SPATA13: variants seen among roughly 807,000 people sequenced by gnomAD.
SPATA13 encodes spermatogenesis-associated protein 13.
In SPATA13, 50 loss-of-function variants were observed where a neutral mutation model predicts 104.0. That is an observed-to-expected ratio of 0.48 (90% confidence interval 0.38 to 0.61). The LOEUF (loss-of-function observed/expected upper bound fraction) is 0.61. SPATA13 is among the 20% of genes least tolerant of loss of function. The pLI, the probability that SPATA13 is intolerant of heterozygous loss-of-function variation, is 0.00. For missense variants in SPATA13, 1,524 were observed against 1,690.6 expected, an observed-to-expected ratio of 0.90 and a Z score of 1.73; for synonymous variants, 606 against 667.5, an observed-to-expected ratio of 0.91 and a Z score of 1.42.
intron 3 of SPATA13, among the ~76,000 whole-genome samples, chr13:24,134,221 A>T (rs1238945306): frequency 6.6e-6 from 1 of 152,174 alleles, no homozygotes; most frequent in Non-Finnish European, 1.5e-5. Flanking sequence ...CGCTGCCTTT[A>T]TGCAGGGAGT....
chr13:24,052,903 G>T (rs1878410782), intron 3 of SPATA13, among the ~76,000 whole-genome samples: 1 of 83,534 alleles, frequency 1.2e-5, no homozygotes, highest in South Asian at 4.6e-4. Flanking sequence ...GTGGAAAATT[G>T]TTTCACTTAG....
chr13:24,166,278 T>A (rs372136276), intron 1 of SPATA13, among the ~76,000 whole-genome samples: 1 of 152,262 alleles, frequency 6.6e-6, no homozygotes, highest in East Asian at 1.9e-4. Flanking sequence ...GAGGCCCATA[T>A]GTAAAAGCAA....
At chr13:24,302,533 T>G (rs1341181118) in intron 12 of SPATA13, 65 bp from the exon 13 acceptor site, 14 of 1,287,074 alleles carry the variant, frequency 1.1e-5, no homozygotes, top group Non-Finnish European at 1.5e-5. Flanking sequence ...CATTTTTATT[T>G]TTTTCCTTTC....
At chr13:24,268,658 C>T (rs1874404244) in intron 4 of SPATA13, among the ~76,000 whole-genome samples, 1 of 152,170 alleles carries the variant, frequency 6.6e-6, no homozygotes, top group Non-Finnish European at 1.5e-5. Context: ...ACTCGGGAGG[C>T]TGAGGCAGGA....
At chr13:24,206,332 T>G (rs1171017898) in intron 1 of SPATA13, among the ~76,000 whole-genome samples, 1 of 152,154 alleles carries the variant, frequency 6.6e-6, no homozygotes, top group East Asian at 1.9e-4. Flanking sequence ...CACTGATCAT[T>G]AGAGAAATGC....
intron 3 of SPATA13, among the ~76,000 whole-genome samples, chr13:24,081,165 C>T (rs1172256857): frequency 6.6e-6 from 1 of 152,122 alleles, no homozygotes; most frequent in Non-Finnish European, 1.5e-5. Context: ...TTGCTGTTGG[C>T]CTAATTGATG....
At chr13:24,242,635 T>C (rs1872912538) in intron 2 of SPATA13, among the ~76,000 whole-genome samples, 1 of 152,184 alleles carries the variant, frequency 6.6e-6, no homozygotes, top group Admixed American at 6.5e-5. Context: ...ATAATTATAG[T>C]TAGATGGGAA....
intron 1 of SPATA13, among the ~76,000 whole-genome samples, chr13:24,221,648 A>G (rs545290832): frequency 6.6e-6 from 1 of 152,188 alleles, no homozygotes; most frequent in African/African-American, 2.4e-5. Flanking sequence ...GAAAGTATGT[A>G]TACAGGTGTG....
At chr13:24,151,375 G>A (rs2138471029) in intron 3 of SPATA13, among the ~76,000 whole-genome samples, 1 of 152,254 alleles carries the variant, frequency 6.6e-6, no homozygotes, top group African/African-American at 2.4e-5. Flanking sequence ...TGAAAATAAT[G>A]ATAAACTCTC....
chr13:24,087,211 A>C (rs1168388917), intron 3 of SPATA13, among the ~76,000 whole-genome samples: 1 of 152,078 alleles, frequency 6.6e-6, no homozygotes, highest in Admixed American at 6.5e-5. Flanking sequence ...GTCTGGAGTG[A>C]AGAGAGGGGC....
At chr13:24,095,300 A>G (rs1880036191) in intron 3 of SPATA13, among the ~76,000 whole-genome samples, 1 of 152,270 alleles carries the variant, frequency 6.6e-6, no homozygotes. Context: ...CACTAAGTGA[A>G]ATAAGCCAGT....
At chr13:24,027,380 G>A (rs1423528986) in intron 3 of SPATA13, among the ~76,000 whole-genome samples, 2 of 151,812 alleles carry the variant, frequency 1.3e-5, no homozygotes, top group African/African-American at 4.8e-5. Context: ...TGATCCACCC[G>A]CCTCGGCCTC....
At chr13:24,270,143 C>A (rs1367916996) in intron 4 of SPATA13, among the ~76,000 whole-genome samples, 1 of 152,088 alleles carries the variant, frequency 6.6e-6, no homozygotes, top group Admixed American at 6.5e-5. Flanking sequence ...GAAGCTCACT[C>A]TTTGTTAACA....
At chr13:24,111,309 C>G (rs541137616) in intron 3 of SPATA13, among the ~76,000 whole-genome samples, 1 of 152,220 alleles carries the variant, frequency 6.6e-6, no homozygotes, top group African/African-American at 2.4e-5. Flanking sequence ...TTGCTAGTAC[C>G]TTAATTCAGA....
At chr13:23,996,871 TC>T (rs1319227175) in intron 2 of SPATA13, among the ~76,000 whole-genome samples, 1 of 152,066 alleles carries the variant, frequency 6.6e-6, no homozygotes, top group East Asian at 1.9e-4. Flanking sequence ...CTTCTCAGGC[TC>T]CCCAGCCACT....
chr13:24,032,509 A>G (rs1330349774), intron 3 of SPATA13, among the ~76,000 whole-genome samples: 1 of 152,204 alleles, frequency 6.6e-6, no homozygotes, highest in Non-Finnish European at 1.5e-5. Context: ...CAGAGATTTC[A>G]TAAGGAGTCG....
chr13:24,195,071 C>T (rs979151268), intron 1 of SPATA13, among the ~76,000 whole-genome samples: 9 of 152,162 alleles, frequency 5.9e-5, no homozygotes, highest in Non-Finnish European at 8.8e-5. Context: ...TTTAGCACCC[C>T]GCAAAGAAAC....
chr13:24,047,480 G>A (rs554803513), intron 3 of SPATA13, among the ~76,000 whole-genome samples: 17 of 152,308 alleles, frequency 1.1e-4, no homozygotes, highest in Admixed American at 2.6e-4. Context: ...GACTGTTACC[G>A]TCTTTGTTTT....
intron 3 of SPATA13, among the ~76,000 whole-genome samples, chr13:24,124,522 G>T (rs775639249): frequency 2.6e-5 from 4 of 152,174 alleles, no homozygotes; most frequent in Admixed American, 2.6e-4. Flanking sequence ...CTGGTGGGAC[G>T]CAGTGCTCTC....
Sources: allele counts gnomAD v4.1 joint callset (sites outside exome capture counted in the v4.1 genomes callset), GRCh38; gene constraint gnomAD v4.1.1; transcripts MANE v1.5; gene names NCBI Gene and HGNC (gene_info 2026-07-23, HGNC 2026-07-21).